SIGLECL1: variants seen among roughly 807,000 people sequenced by gnomAD.
The protein encoded by SIGLECL1 is SIGLEC family-like protein 1.
A neutral mutation model predicts 19.1 loss-of-function variants in SIGLECL1; 16 were observed. The observed-to-expected ratio is 0.84, with a 90% confidence interval of 0.57 to 1.27. SIGLECL1 has a LOEUF of 1.27. SIGLECL1 is among the 50% of genes most tolerant of loss of function. The probability of loss-of-function intolerance (pLI) is 0.00; values close to 1 mark genes in which losing one functional copy is unlikely to be tolerated. For synonymous variants in SIGLECL1, 89 were observed against 90.4 expected (o/e 0.98, Z 0.09); for missense variants, 210 against 239.4 (o/e 0.88, Z 0.81).
intron 5 of SIGLECL1, 58 bp downstream of exon 5, chr19:51,267,587 A>G: frequency 3.8e-6 from 6 of 1,582,282 alleles, no homozygotes; most frequent in Non-Finnish European, 5.2e-6. Flanking sequence ...TAAGACCCAC[A>G]GGGAAAGGAG....
Position 51,265,502 on chromosome 19 carries a change from G to A in SIGLECL1, c.157G>A (p.Gly53Ser). 6.2e-7 allele frequency: 1 copy of A among 1,614,156 alleles called. No individual in the cohort carries two copies. Among genetic ancestry groups the A allele is most frequent in the Non-Finnish European group, 8.5e-7 (1 of 1,180,034 alleles). Residue 53 changes from glycine (G) to serine (S), a missense_variant, in exon 3 of 6, where the codon GGC becomes AGC. Gly to Ser is a moderately conservative substitution (Grantham distance 56). Transcript: ENST00000601727. ...GVPVGVDGMD[G>S]SLQVTSTMLG... ...CCCCGTGGGTGTGGATGGCATGGAT[G>A]GCAGCCTCCAAGTGACTTCCACCAT...
chr19:51,265,725 G>A (rs1252531829), intron 3 of SIGLECL1, 52 bp from the exon 4 acceptor site: 10 of 1,613,438 alleles, frequency 6.2e-6, no homozygotes, highest in Non-Finnish European at 8.5e-6. Context: ...CTAGAGAATG[G>A]AGCAGAGTTT....
chr19:51,263,922 G>A lies in SIGLECL1; in HGVS notation c.-151G>A. The A allele has an allele frequency of 3.3e-6, 3 of 897,838 alleles. No individual in the cohort carries two copies. The highest frequency in any genetic ancestry group is 2.4e-5 in the Admixed American group (1 of 41,086). 55.6% of individuals were successfully genotyped at this position (897,838 alleles called of 1,614,324 possible). ...ACGATGACCAGAGACAGAAGCCCCT[G>A]ACTTGGCTAAAGATACTTCTGCTCT... On this transcript the variant is annotated 5_prime_UTR_variant, in exon 2 of 6. An upstream open reading frame in the 5' UTR loses its in-frame stop. Transcript: ENST00000601727.
chr19:51,264,590 C>T (rs6509524), intron 2 of SIGLECL1, among the ~76,000 whole-genome samples: 69,284 of 151,946 alleles, frequency 0.46, 17,959 homozygotes, highest in African/African-American at 0.71. Context: ...AAAACTTCAA[C>T]GAAAAAGTGT....
intron 5 of SIGLECL1, among the ~76,000 whole-genome samples, chr19:51,267,767 A>G (rs993095741): frequency 2.0e-5 from 3 of 152,332 alleles, no homozygotes; most frequent in East Asian, 3.9e-4. Context: ...CGCACACACC[A>G]TTACATTGAA....
In SIGLECL1 at chr19:51,263,650, C is replaced by T. The variant is rs147669208; in HGVS notation, c.-190-233C>T. On this transcript the variant is annotated intron_variant, in intron 1 of 5. Coordinates refer to ENST00000601727, the MANE Select transcript of SIGLECL1 (RefSeq NM_001385465.1). ...GTGAATACCTGTAATTCCAGCTACTCGGGAGGCTAAGGCAGAAGAGTCGCT... is the reference window on the plus strand; with the variant it reads ...GTGAATACCTGTAATTCCAGCTACTTGGGAGGCTAAGGCAGAAGAGTCGCT... Among the ~76,000 whole-genome samples, 270 of 152,214 alleles carry T rather than the reference C, an allele frequency of 1.8e-3. 1 individual carries two copies. The Middle Eastern group carries it at 0.027, about 15-fold the overall frequency.
At chr19:51,254,250 G>A (rs1982667295) in intron 1 of SIGLECL1, among the ~76,000 whole-genome samples, 1 of 151,688 alleles carries the variant, frequency 6.6e-6, no homozygotes, top group Non-Finnish European at 1.5e-5. Context: ...GACTACTTGA[G>A]CTCAGGAGTT....
upstream of SIGLECL1, among the ~76,000 whole-genome samples, chr19:51,249,740 G>T (rs1229157611): frequency 1.3e-5 from 2 of 152,194 alleles, no homozygotes; most frequent in Non-Finnish European, 2.9e-5. Context: ...TTCTGATCCA[G>T]ACCCCAAGAG....
At chr19:51,249,540 T>G (rs943051564), upstream of SIGLECL1, among the ~76,000 whole-genome samples, 1 of 152,166 alleles carries the variant, frequency 6.6e-6, no homozygotes, top group Non-Finnish European at 1.5e-5. Context: ...GAAGAATCTT[T>G]GCAGCAGTGG....
At position 51,263,951 on chromosome 19, in the gene SIGLECL1, C is replaced by G. The variant is rs6509523; in HGVS notation, c.-122C>G. The G allele has an allele frequency of 4.6e-4, 579 of 1,261,750 alleles. 4 individuals are homozygous for G. The African/African-American group carries it at 6.4e-3, about 14-fold the overall frequency. The allele number at this position is 1,261,750 out of a possible 1,614,324, so 78.2% of individuals were successfully genotyped here. A position where few individuals can be genotyped will look rare whatever the true frequency, so the allele number is the denominator to read the frequency against. The stretch of plus-strand genomic sequence containing the variant: ...TGGCTAAAGATACTTCTGCTCTCCC[C>G]ATCCCCACATCCTCTTTCAGTTACG... On this transcript the variant is annotated 5_prime_UTR_variant, in exon 2 of 6. Coordinates refer to ENST00000601727, the MANE Select transcript of SIGLECL1 (RefSeq NM_001385465.1).
chr19:51,256,210 A>T (rs774072039), intron 1 of SIGLECL1, among the ~76,000 whole-genome samples: 2 of 152,192 alleles, frequency 1.3e-5, no homozygotes, highest in Non-Finnish European at 2.9e-5. Context: ...GCATGTTCTT[A>T]TATATGGTAA....
intron 2 of SIGLECL1, chr19:51,264,320 G>T: frequency 2.0e-6 from 1 of 510,680 alleles, no homozygotes; most frequent in Non-Finnish European, 3.5e-6. Flanking sequence ...GGGATGGAGA[G>T]TGTAGGTGCT....
At chr19:51,261,695 A>G (rs943105764) in intron 1 of SIGLECL1, among the ~76,000 whole-genome samples, 2 of 152,204 alleles carry the variant, frequency 1.3e-5, no homozygotes, top group Admixed American at 6.5e-5. Context: ...TCTTAGATTC[A>G]TAACTGGATA....
rs191319767 is a variant in SIGLECL1 at position 51,267,546 on chromosome 19, T to C, written c.567+17T>C. 1.2e-6 allele frequency: 2 copies of C among 1,612,936 alleles called. No homozygotes were observed. Among genetic ancestry groups the C allele is most frequent in the East Asian group, 4.5e-5 (2 of 44,842 alleles). On this transcript the variant is annotated intron_variant, in intron 5 of 5. Coordinates refer to ENST00000601727, the MANE Select transcript of SIGLECL1 (RefSeq NM_001385465.1). ...CGGATATTGGTATGTACCTATTGTG[T>C]CTGGAATCTAGTCTATCGGAATACT...
intron 5 of SIGLECL1, among the ~76,000 whole-genome samples, chr19:51,268,179 T>C (rs1420617615): frequency 1.3e-5 from 2 of 152,014 alleles, no homozygotes. Flanking sequence ...AATGCTGGGG[T>C]CTCAGAAATG....
In SIGLECL1 at chr19:51,261,577, C is replaced by G. The variant is rs11084064; in HGVS notation, c.-190-2306C>G. ...TGCTGGGATTACAGGCATGAGCCAC[C>G]GCTCCCGGCCCATTTGGTTTTTTAA... On this transcript the variant is annotated intron_variant, in intron 1 of 5. Transcript: ENST00000601727. 5.3e-5 allele frequency among the ~76,000 whole-genome samples: 8 copies of G among 152,232 alleles called. No homozygotes were observed. The South Asian group carries it at 8.3e-4, about 16-fold the overall frequency.
At chr19:51,258,492 G>A (rs1484720624) in intron 1 of SIGLECL1, among the ~76,000 whole-genome samples, 1 of 152,196 alleles carries the variant, frequency 6.6e-6, no homozygotes, top group African/African-American at 2.4e-5. Flanking sequence ...CCAAGGAGCT[G>A]ACCCACTGGA....
chr19:51,252,718 C>G (rs547374645), intron 1 of SIGLECL1, among the ~76,000 whole-genome samples: 54 of 152,228 alleles, frequency 3.5e-4, no homozygotes, highest in African/African-American at 1.3e-3. Context: ...AGTCTGGAGG[C>G]TAAGGGTTGG....
chr19:51,255,143 C>T (rs1982724309), intron 1 of SIGLECL1, among the ~76,000 whole-genome samples: 1 of 151,756 alleles, frequency 6.6e-6, no homozygotes, highest in African/African-American at 2.4e-5. Context: ...GCCTGTAATC[C>T]CAGCTACTCA....
Sources: allele counts gnomAD v4.1 joint callset (sites outside exome capture counted in the v4.1 genomes callset), GRCh38; gene constraint gnomAD v4.1.1; transcripts MANE v1.5; gene names NCBI Gene and HGNC (gene_info 2026-07-23, HGNC 2026-07-21).